TBC1D5: variants seen among roughly 807,000 people sequenced by gnomAD.
TBC1D5 encodes the protein TBC1 domain family, member 5.
TBC1D5 carries 75 observed loss-of-function variants against 100.3 expected under a neutral mutation model. That is an observed-to-expected ratio of 0.75 (90% confidence interval 0.62 to 0.91). The LOEUF (loss-of-function observed/expected upper bound fraction) is 0.91, where lower values mean the gene tolerates loss of function less well. Ranked by LOEUF, TBC1D5 falls within the 40% of genes least tolerant of loss-of-function variation. TBC1D5 has a pLI of 0.00. For synonymous variants in TBC1D5, 323 were observed against 325.6 expected (o/e 0.99, Z 0.09); for missense variants, 910 against 942.4 (o/e 0.97, Z 0.45).
chr3:17,220,023 G>A (rs2074101844), intron 17 of TBC1D5, among the ~76,000 whole-genome samples: 1 of 152,044 alleles, frequency 6.6e-6, no homozygotes, highest in Non-Finnish European at 1.5e-5. Flanking sequence ...CTTTTTAAGA[G>A]CTGTGAGGAA....
At chr3:17,492,591 G>A (rs1334916453) in intron 3 of TBC1D5, among the ~76,000 whole-genome samples, 1 of 151,954 alleles carries the variant, frequency 6.6e-6, no homozygotes, top group Non-Finnish European at 1.5e-5. Flanking sequence ...TGTGCCACCA[G>A]GTCTGGTTAA....
At chr3:17,667,054 T>C (rs889973474) in intron 1 of TBC1D5, among the ~76,000 whole-genome samples, 1 of 152,178 alleles carries the variant, frequency 6.6e-6, no homozygotes, top group South Asian at 2.1e-4. Context: ...AAAATCATTG[T>C]AGAAGTACAG....
chr3:17,298,268 G>T (rs529992626), intron 14 of TBC1D5, among the ~76,000 whole-genome samples: 75 of 152,088 alleles, frequency 4.9e-4, no homozygotes, highest in Non-Finnish European at 9.1e-4. Flanking sequence ...TTTTGTGTTG[G>T]ACTGTATTCA....
chr3:17,610,343 C>T (rs1381696164), intron 2 of TBC1D5, among the ~76,000 whole-genome samples: 1 of 152,160 alleles, frequency 6.6e-6, no homozygotes, highest in African/African-American at 2.4e-5. Flanking sequence ...CTCCACCATG[C>T]ATGACTAATT....
At chr3:17,478,499 T>C (rs2095464757) in intron 3 of TBC1D5, among the ~76,000 whole-genome samples, 1 of 152,220 alleles carries the variant, frequency 6.6e-6, no homozygotes, top group Admixed American at 6.5e-5. Flanking sequence ...TTTATAGTTG[T>C]CAGTGTACTT....
In TBC1D5 at chr3:17,704,480, A is replaced by G. The variant is rs1349054436; in HGVS notation, c.-101+34863T>C. On this transcript the variant is annotated intron_variant, in intron 1 of 21. Coordinates refer to ENST00000253692, the Ensembl canonical transcript of TBC1D5. ...TGGTGGCCGGGCAGAGGGGCTCCTCACTTCCCAGTAGGGGCGGCCGGGCAG... is the reference window on the plus strand; with the variant it reads ...TGGTGGCCGGGCAGAGGGGCTCCTCGCTTCCCAGTAGGGGCGGCCGGGCAG... Among the ~76,000 whole-genome samples the G allele has an allele frequency of 5.1e-5, 7 of 136,222 alleles. No individual in the cohort carries two copies. In the East Asian group the frequency reaches 1.8e-3, roughly 34 times the overall value. The allele number at this position is 136,222 out of a possible 152,430, so 89.4% of individuals were successfully genotyped here.
chr3:17,430,482 T>A (rs2094429298), intron 3 of TBC1D5, among the ~76,000 whole-genome samples: 1 of 151,598 alleles, frequency 6.6e-6, no homozygotes, highest in South Asian at 2.1e-4. Flanking sequence ...TCACATTAAA[T>A]GTAACTTTCA....
At chr3:17,370,580 CAAT>C (rs2092401401) in intron 13 of TBC1D5, among the ~76,000 whole-genome samples, 1 of 152,056 alleles carries the variant, frequency 6.6e-6, no homozygotes, top group African/African-American at 2.4e-5. Flanking sequence ...AAGCTGCTCT[CAAT>C]GATGAGGTTA....
intron 2 of TBC1D5, among the ~76,000 whole-genome samples, chr3:17,559,600 T>C (rs1195283150): frequency 6.6e-6 from 1 of 151,948 alleles, no homozygotes; most frequent in Non-Finnish European, 1.5e-5. Context: ...TAGAATTTTT[T>C]TTTTTTTGAG....
chr3:17,374,017 A>C (rs2092594716), intron 12 of TBC1D5, among the ~76,000 whole-genome samples: 1 of 152,134 alleles, frequency 6.6e-6, no homozygotes, highest in Non-Finnish European at 1.5e-5. Flanking sequence ...ATTATATAAA[A>C]ATTTAAAATA....
chr3:17,394,034 G>C (rs1285559609), intron 8 of TBC1D5, among the ~76,000 whole-genome samples: 1 of 152,050 alleles, frequency 6.6e-6, no homozygotes, highest in Non-Finnish European at 1.5e-5. Flanking sequence ...AGAGTGAACA[G>C]GCCTCACAGC....
At chr3:17,592,640 CAGG>C (rs1193743543) in intron 2 of TBC1D5, among the ~76,000 whole-genome samples, 3 of 152,202 alleles carry the variant, frequency 2.0e-5, no homozygotes, top group African/African-American at 7.2e-5. Context: ...GGGTCCAGAA[CAGG>C]AGAAGGCTCT....
rs573430969 is a variant in TBC1D5, at chr3:17,662,099, A to G, written c.-100-38186T>C. ...GAGACAGGGTCTCGCTACGTTGCCC[A>G]GGTTGGTGGTCTCTAACTCCTGGCC... On this transcript the variant is annotated intron_variant, in intron 1 of 21. Transcript: ENST00000253692. 1.1e-3 allele frequency among the ~76,000 whole-genome samples: 162 copies of G among 152,242 alleles called. 1 individual carries two copies. The highest frequency in any genetic ancestry group is 3.8e-3 in the African/African-American group (157 of 41,544).
chr3:17,437,359 T>C (rs1274222655), intron 3 of TBC1D5, among the ~76,000 whole-genome samples: 1 of 152,118 alleles, frequency 6.6e-6, no homozygotes, highest in Non-Finnish European at 1.5e-5. Context: ...ATGATTGTCA[T>C]TTTTCCAGGT....
At chr3:17,251,361 A>G (rs1479181807) in intron 16 of TBC1D5, among the ~76,000 whole-genome samples, 1 of 149,440 alleles carries the variant, frequency 6.7e-6, no homozygotes, top group Non-Finnish European at 1.5e-5. Context: ...GAGTTGGTGC[A>G]TTGGGGCTGT....
intron 2 of TBC1D5, among the ~76,000 whole-genome samples, chr3:17,618,025 A>G (rs2062329150): frequency 6.6e-6 from 1 of 152,194 alleles, no homozygotes; most frequent in Non-Finnish European, 1.5e-5. Context: ...GTTTCTCCCC[A>G]TCTTTGTGGT....
At chr3:17,485,904 G>A (rs2095560017) in intron 3 of TBC1D5, among the ~76,000 whole-genome samples, 2 of 152,124 alleles carry the variant, frequency 1.3e-5, no homozygotes, top group Non-Finnish European at 2.9e-5. Flanking sequence ...CTAGATCCCT[G>A]AGGAATCGCC....
chr3:17,569,174 G>A (rs1236636227), intron 2 of TBC1D5, among the ~76,000 whole-genome samples: 1 of 151,708 alleles, frequency 6.6e-6, no homozygotes, highest in African/African-American at 2.4e-5. Flanking sequence ...AGAATAATCA[G>A]CAAATATCAC....
chr3:17,318,791 G>C (rs996486474), intron 13 of TBC1D5, among the ~76,000 whole-genome samples: 1 of 152,130 alleles, frequency 6.6e-6, no homozygotes, highest in Non-Finnish European at 1.5e-5. Flanking sequence ...GGAATGCATA[G>C]TATCTACTAT....
Sources: allele counts gnomAD v4.1 joint callset (sites outside exome capture counted in the v4.1 genomes callset), GRCh38; gene constraint gnomAD v4.1.1; transcripts MANE v1.5; gene names NCBI Gene and HGNC (gene_info 2026-07-23, HGNC 2026-07-21).